Variants in OLA1 observed in about 807,000 individuals in gnomAD.
OLA1 encodes the protein Obg like ATPase 1.
OLA1 carries 14 observed loss-of-function variants against 48.4 expected under a neutral mutation model. That is an observed-to-expected ratio of 0.29 (90% CI 0.19 to 0.45). OLA1 has a LOEUF of 0.45. Among genes scored for constraint, OLA1 ranks in the 20% least tolerant of loss-of-function variants. The probability of loss-of-function intolerance (pLI) is 1.00; values close to 1 mark genes in which losing one functional copy is unlikely to be tolerated. For missense variants in OLA1, 325 were observed against 467.1 expected (o/e 0.70, Z 2.80); for synonymous variants, 127 against 150.4 (o/e 0.84, Z 1.14).
chr2:174,078,859 TA>T, intron 10 of OLA1, 108 bp downstream of exon 10: 1 of 1,138,016 alleles, frequency 8.8e-7, no homozygotes, highest in Non-Finnish European at 1.2e-6. Flanking sequence ...CTTATTACTT[TA>T]TTTTAGACTA....
chr2:174,176,056 C>T (rs1687414102), intron 4 of OLA1, among the ~76,000 whole-genome samples: 2 of 151,940 alleles, frequency 1.3e-5, no homozygotes, highest in Non-Finnish European at 2.9e-5. Context: ...TGCAAAAGGA[C>T]ACAAATAAAC....
chr2:174,230,173 T>A (rs933638657), intron 2 of OLA1, among the ~76,000 whole-genome samples: 3 of 152,170 alleles, frequency 2.0e-5, no homozygotes, highest in African/African-American at 7.2e-5. Context: ...CACTTTATCA[T>A]TCATGTCTTA....
At chr2:174,143,752 A>G (rs1230855112) in intron 4 of OLA1, among the ~76,000 whole-genome samples, 2 of 152,198 alleles carry the variant, frequency 1.3e-5, no homozygotes, top group African/African-American at 2.4e-5. Flanking sequence ...GAATCCAAAG[A>G]AAAAAAGAGA....
At chr2:174,137,125 G>C (rs1686327677) in intron 5 of OLA1, among the ~76,000 whole-genome samples, 1 of 152,144 alleles carries the variant, frequency 6.6e-6, no homozygotes, top group Admixed American at 6.5e-5. Context: ...ATTATTCCTT[G>C]ATCTATGGGT....
intron 4 of OLA1, among the ~76,000 whole-genome samples, chr2:174,193,407 A>G (rs1003561414): frequency 3.3e-5 from 5 of 152,160 alleles, no homozygotes; most frequent in African/African-American, 1.2e-4. Flanking sequence ...GCTAGTTTCA[A>G]TGATTGCTTT....
In OLA1 at chr2:174,075,320, C is replaced by G. The variant is rs1481963100; in HGVS notation, c.*106G>C. ...AAAAATAATTTGTTTGTCAAAGATT[C>G]CCATCTCCCCAACTTTATTTGTCGC... On this transcript the variant is annotated 3_prime_UTR_variant, in exon 11 of 11. Coordinates refer to ENST00000284719, the MANE Select transcript of OLA1 (RefSeq NM_013341.5). 1.6e-6 allele frequency: 1 copy of G among 611,200 alleles called. No individual in the cohort carries two copies. Among genetic ancestry groups the G allele is most frequent in the East Asian group, 2.9e-5 (1 of 34,012 alleles). 37.9% of individuals were successfully genotyped at this position (611,200 alleles called of 1,614,324 possible).
intron 4 of OLA1, among the ~76,000 whole-genome samples, chr2:174,161,552 C>T (rs970325450): frequency 1.6e-4 from 24 of 151,988 alleles, no homozygotes; most frequent in African/African-American, 5.8e-4. Flanking sequence ...GTGGTCCTGG[C>T]TACTTGGGAA....
chr2:174,133,553 G>A (rs1337926349), intron 5 of OLA1, among the ~76,000 whole-genome samples: 1 of 152,078 alleles, frequency 6.6e-6, no homozygotes, highest in Non-Finnish European at 1.5e-5. Flanking sequence ...TAGAGACAGG[G>A]TTATGCCATG....
intron 4 of OLA1, chr2:174,172,819 G>A (rs80125133): frequency 0.043 from 6,501 of 152,538 alleles, 500 homozygotes; most frequent in African/African-American, 0.15. Flanking sequence ...GGTCTGGTGG[G>A]ACATGCTTGG....
chr2:174,093,510 A>G (rs1377127631), intron 7 of OLA1, among the ~76,000 whole-genome samples: 1 of 151,892 alleles, frequency 6.6e-6, no homozygotes, highest in Non-Finnish European at 1.5e-5. Context: ...CAACCAATCA[A>G]ACACCGCCAC....
chr2:174,085,635 G>C (rs1684957826), intron 7 of OLA1, among the ~76,000 whole-genome samples: 1 of 152,126 alleles, frequency 6.6e-6, no homozygotes, highest in African/African-American at 2.4e-5. Flanking sequence ...AAAAGATCAT[G>C]TCTCAAATTT....
chr2:174,246,307 A>AG (rs1394510734), intron 2 of OLA1, among the ~76,000 whole-genome samples: 1 of 151,968 alleles, frequency 6.6e-6, no homozygotes, highest in African/African-American at 2.4e-5. Context: ...CTCAAAAAAA[A>AG]AAAAGAAAAA....
At chr2:174,123,702 T>C (rs755586947) in intron 5 of OLA1, 27 bp from the exon 6 acceptor site, 3 of 1,197,784 alleles carry the variant, frequency 2.5e-6, no homozygotes, top group African/African-American at 3.1e-5. Flanking sequence ...AAAAGGTAAA[T>C]ATATATGAAT....
intron 3 of OLA1, 37 bp downstream of exon 3, chr2:174,229,271 C>T: frequency 6.2e-7 from 1 of 1,601,402 alleles, no homozygotes; most frequent in Non-Finnish European, 8.5e-7. Flanking sequence ...CCAATCTACA[C>T]AAAATCACCA....
chr2:174,240,397 C>G (rs1257992322), intron 2 of OLA1: 2 of 152,344 alleles, frequency 1.3e-5, no homozygotes, highest in African/African-American at 4.8e-5. Flanking sequence ...CTCCTGGGCT[C>G]AAGGTATCCT....
At chr2:174,174,035 CAAAAA>C (rs112671944) in intron 4 of OLA1, among the ~76,000 whole-genome samples, 9 of 135,602 alleles carry the variant, frequency 6.6e-5, no homozygotes, top group African/African-American at 2.4e-4. Flanking sequence ...CACACACACA[CAAAAA>C]AAAAAAAAAA....
intron 2 of OLA1, among the ~76,000 whole-genome samples, chr2:174,234,935 G>A (rs557366387): frequency 3.9e-5 from 6 of 152,204 alleles, no homozygotes; most frequent in Non-Finnish European, 8.8e-5. Flanking sequence ...GAGGCGGGCA[G>A]ATCACTTGAG....
At chr2:174,160,903 C>T (rs1165658793) in intron 4 of OLA1, among the ~76,000 whole-genome samples, 1 of 152,130 alleles carries the variant, frequency 6.6e-6, no homozygotes, top group African/African-American at 2.4e-5. Flanking sequence ...ATTTGCAACC[C>T]TCTTGATGAT....
chr2:174,244,501 T>G (rs192192840), intron 2 of OLA1, among the ~76,000 whole-genome samples: 3 of 152,312 alleles, frequency 2.0e-5, no homozygotes, highest in East Asian at 3.9e-4. Context: ...GTTCTAAGAT[T>G]CCAGCAGATT....
Sources: gnomAD v4.1 joint callset for allele counts (sites outside exome capture counted in the v4.1 genomes callset) on GRCh38, gnomAD v4.1.1 for gene constraint, MANE v1.5 for transcripts, NCBI Gene and HGNC (gene_info 2026-07-23, HGNC 2026-07-21) for gene names.